The following PTPRD variants were observed in gnomAD, a reference collection of about 807,000 sequenced individuals.
PTPRD encodes the protein receptor-type tyrosine-protein phosphatase delta.
A neutral mutation model predicts 214.5 loss-of-function variants in PTPRD; 34 were observed. The ratio of observed to expected loss-of-function variants is 0.16; its 90% CI spans 0.12 to 0.21. The LOEUF (loss-of-function observed/expected upper bound fraction) is 0.21. Among genes scored for constraint, PTPRD ranks in the 10% least tolerant of loss-of-function variants. The pLI, the probability that PTPRD is intolerant of heterozygous loss-of-function variation, is 1.00. For synonymous variants in PTPRD, 1,128 were observed against 845.7 expected (o/e 1.33, Z -5.79); for missense variants, 2,545 against 2,398.7 (o/e 1.06, Z -1.27).
At chr9:8,861,539 A>G (rs1215494280) in intron 11 of PTPRD, 3 of 152,178 alleles carry the variant, frequency 2.0e-5, no homozygotes, top group Non-Finnish European at 4.4e-5. Flanking sequence ...CTAGTTAAGT[A>G]TTATTAGCCC....
At chr9:10,537,347 A>C (rs930326690) in intron 2 of PTPRD, among the ~76,000 whole-genome samples, 3 of 152,160 alleles carry the variant, frequency 2.0e-5, no homozygotes, top group Non-Finnish European at 2.9e-5. Context: ...GAGCTCAACA[A>C]CACATTCTGT....
intron 11 of PTPRD, among the ~76,000 whole-genome samples, chr9:8,932,637 C>T (rs1032032070): frequency 1.3e-5 from 2 of 152,148 alleles, no homozygotes; most frequent in Non-Finnish European, 2.9e-5. Context: ...GGGCTCTGCC[C>T]AGTCTGAACT....
intron 4 of PTPRD, among the ~76,000 whole-genome samples, chr9:9,978,863 T>G (rs1045584548): frequency 6.6e-6 from 1 of 151,860 alleles, no homozygotes; most frequent in Non-Finnish European, 1.5e-5. Flanking sequence ...GAGAAAATCC[T>G]TCAGGTAGCC....
chr9:10,480,870 A>G (rs2099093278), intron 2 of PTPRD, among the ~76,000 whole-genome samples: 1 of 152,186 alleles, frequency 6.6e-6, no homozygotes, highest in Non-Finnish European at 1.5e-5. Context: ...TAGGGAAATT[A>G]TCCTACTGTA....
At chr9:9,580,439 A>G (rs1371309159) in intron 7 of PTPRD, among the ~76,000 whole-genome samples, 1 of 151,858 alleles carries the variant, frequency 6.6e-6, no homozygotes, top group Non-Finnish European at 1.5e-5. Context: ...TTTAACTTTA[A>G]TCATTTTCTG....
intron 39 of PTPRD, among the ~76,000 whole-genome samples, chr9:8,343,041 G>C (rs1291292469): frequency 1.3e-5 from 2 of 152,066 alleles, no homozygotes; most frequent in Admixed American, 6.6e-5. Context: ...TTGCAACGAA[G>C]ATACCAGAAC....
intron 8 of PTPRD, among the ~76,000 whole-genome samples, chr9:9,408,018 T>C (rs2074120138): frequency 6.6e-6 from 1 of 151,766 alleles, no homozygotes; most frequent in Non-Finnish European, 1.5e-5. Flanking sequence ...TGGGGTAAGT[T>C]ACCCAGAAGT....
rs371566362 is a variant in PTPRD, at chr9:10,476,809, G to C, written c.-600+135589C>G. Among the ~76,000 whole-genome samples, 9 of 152,218 alleles carry C rather than the reference G, an allele frequency of 5.9e-5. No homozygotes were observed. The South Asian group carries it at 1.7e-3, about 28-fold the overall frequency. ...AACAGATATACAGACCAAGGGAACA[G>C]AATAGAAGTCTCAGAAATAACACCA... On this transcript the variant is annotated intron_variant, in intron 2 of 45. Transcript: ENST00000381196.
chr9:9,984,499 C>T (rs2095642802), intron 4 of PTPRD, among the ~76,000 whole-genome samples: 1 of 152,112 alleles, frequency 6.6e-6, no homozygotes, highest in East Asian at 1.9e-4. Context: ...TAGTAAGCAA[C>T]ATTCAGAGTG....
chr9:8,504,426 T>G (rs772113441), intron 22 of PTPRD, 21 bp from the exon 23 acceptor site: 2 of 1,613,782 alleles, frequency 1.2e-6, no homozygotes, highest in Admixed American at 3.3e-5. Context: ...TAAGAGAATG[T>G]GGTCATCTTC....
At chr9:9,279,027 TA>T (rs1946695255) in intron 9 of PTPRD, among the ~76,000 whole-genome samples, 1 of 151,180 alleles carries the variant, frequency 6.6e-6, no homozygotes, top group African/African-American at 2.4e-5. Context: ...TATATTAATT[TA>T]TTTATAGAGT....
At chr9:9,146,719 A>T (rs1295033754) in intron 10 of PTPRD, among the ~76,000 whole-genome samples, 3 of 152,188 alleles carry the variant, frequency 2.0e-5, no homozygotes, top group Non-Finnish European at 4.4e-5. Context: ...GACATAAGTA[A>T]AAACAATAAT....
Position 9,435,598 on chromosome 9 carries a change from T to C in PTPRD, c.-236-38116A>G, listed in dbSNP as rs190622341. ...TCATCTTTGGTAAAGATTTCTTTTA[T>C]TGGATTTTTCAACTGCCTTTCATAA... On this transcript the variant is annotated intron_variant, in intron 8 of 45. Coordinates refer to ENST00000381196, the MANE Select transcript of PTPRD (RefSeq NM_002839.4). Among the ~76,000 whole-genome samples, 9 of 152,286 alleles carry C rather than the reference T, an allele frequency of 5.9e-5. No homozygotes were observed. The East Asian group carries it at 1.4e-3, about 23-fold the overall frequency.
intron 14 of PTPRD, among the ~76,000 whole-genome samples, chr9:8,555,403 A>G (rs2083425378): frequency 6.6e-6 from 1 of 152,186 alleles, no homozygotes; most frequent in African/African-American, 2.4e-5. Flanking sequence ...AAAAAACCAA[A>G]AAGACTAAAA....
At chr9:8,768,874 A>C (rs1421822416) in intron 11 of PTPRD, among the ~76,000 whole-genome samples, 1 of 152,204 alleles carries the variant, frequency 6.6e-6, no homozygotes. Context: ...AATAATCATT[A>C]AACAGTTTGC....
intron 3 of PTPRD, among the ~76,000 whole-genome samples, chr9:10,274,806 C>T (rs546991095): frequency 3.9e-5 from 6 of 152,202 alleles, no homozygotes; most frequent in African/African-American, 1.4e-4. Context: ...TTTTCTGACA[C>T]CTCTCCTTCT....
At chr9:9,899,924 G>A (rs958521858) in intron 5 of PTPRD, among the ~76,000 whole-genome samples, 1 of 152,070 alleles carries the variant, frequency 6.6e-6, no homozygotes, top group Non-Finnish European at 1.5e-5. Context: ...ACTATGTTAG[G>A]TGAAATAAGC....
At chr9:9,933,330 C>G (rs1282589527) in intron 5 of PTPRD, among the ~76,000 whole-genome samples, 1 of 151,968 alleles carries the variant, frequency 6.6e-6, no homozygotes, top group African/African-American at 2.4e-5. Context: ...ATTCAGGAAA[C>G]CCATCTCACA....
intron 3 of PTPRD, among the ~76,000 whole-genome samples, chr9:10,239,238 G>A (rs2099638926): frequency 6.6e-6 from 1 of 151,758 alleles, no homozygotes; most frequent in Admixed American, 6.6e-5. Flanking sequence ...ACCTCCATAG[G>A]AATACTGCTG....
Sources: gnomAD v4.1 joint callset for allele counts (sites outside exome capture counted in the v4.1 genomes callset) on GRCh38, gnomAD v4.1.1 for gene constraint, MANE v1.5 for transcripts, NCBI Gene and HGNC (gene_info 2026-07-23, HGNC 2026-07-21) for gene names.